PTPRD: variants seen among roughly 807,000 people sequenced by gnomAD.
PTPRD encodes receptor-type tyrosine-protein phosphatase delta.
A neutral mutation model predicts 214.5 loss-of-function variants in PTPRD; 34 were observed. The ratio of observed to expected loss-of-function variants is 0.16; its 90% CI spans 0.12 to 0.21. The LOEUF is 0.21. PTPRD is among the 10% of genes least tolerant of loss of function. The pLI is 1.00. For synonymous variants in PTPRD, 1,128 were observed against 845.7 expected (o/e 1.33, Z -5.79); for missense variants, 2,545 against 2,398.7 (o/e 1.06, Z -1.27).
chr9:8,782,844 T>C (rs2095791379), intron 11 of PTPRD, among the ~76,000 whole-genome samples: 1 of 152,082 alleles, frequency 6.6e-6, no homozygotes, highest in South Asian at 2.1e-4. Flanking sequence ...TCTGCCCTCC[T>C]TGGCCCCCCG....
chr9:10,236,960 A>T (rs1362622437), intron 3 of PTPRD, among the ~76,000 whole-genome samples: 1 of 151,942 alleles, frequency 6.6e-6, no homozygotes, highest in Non-Finnish European at 1.5e-5. Flanking sequence ...GGTGACTCAC[A>T]GATAATTTTT....
At chr9:9,933,232 A>G (rs2087529270) in intron 5 of PTPRD, among the ~76,000 whole-genome samples, 1 of 152,384 alleles carries the variant, frequency 6.6e-6, no homozygotes, top group South Asian at 2.1e-4. Context: ...TAACAATATT[A>G]ACTTTAAATG....
At chr9:8,675,042 A>T (rs1215899204) in intron 12 of PTPRD, among the ~76,000 whole-genome samples, 4 of 152,172 alleles carry the variant, frequency 2.6e-5, no homozygotes, top group Non-Finnish European at 4.4e-5. Context: ...TGTGGTCAGT[A>T]AATACATGTC....
At chr9:9,201,215 A>G (rs1276404436) in intron 9 of PTPRD, among the ~76,000 whole-genome samples, 1 of 152,204 alleles carries the variant, frequency 6.6e-6, no homozygotes, top group Non-Finnish European at 1.5e-5. Context: ...GAAGAAAACT[A>G]AAATAAATGT....
chr9:9,064,698 C>A (rs1401253600), intron 10 of PTPRD, among the ~76,000 whole-genome samples: 2 of 152,166 alleles, frequency 1.3e-5, no homozygotes, highest in African/African-American at 2.4e-5. Context: ...CAGTTGACAG[C>A]AATCTGTGGT....
chr9:8,834,731 G>A (rs999116554), intron 11 of PTPRD, among the ~76,000 whole-genome samples: 2 of 152,146 alleles, frequency 1.3e-5, no homozygotes, highest in African/African-American at 2.4e-5. Context: ...AAAACTGTTT[G>A]ACCCACAGAC....
At chr9:9,692,832 T>C (rs2097299011) in intron 7 of PTPRD, among the ~76,000 whole-genome samples, 2 of 151,918 alleles carry the variant, frequency 1.3e-5, no homozygotes. Flanking sequence ...GTTTTCACTG[T>C]AGAGATGTTT....
At chr9:10,397,611 C>G (rs759507157) in intron 2 of PTPRD, among the ~76,000 whole-genome samples, 2 of 151,936 alleles carry the variant, frequency 1.3e-5, no homozygotes, top group African/African-American at 2.4e-5. Flanking sequence ...TATTATAATA[C>G]TATATTTTTA....
rs141238225 is a variant in PTPRD at position 9,495,115 on chromosome 9, C to T, written c.-237+79617G>A. Reference sequence around the variant, plus strand: ...ACTGGGAAGACTAGATAGCCACATGCGAAACAATGAACTTAGACCCCACTT... The same window carrying T: ...ACTGGGAAGACTAGATAGCCACATGTGAAACAATGAACTTAGACCCCACTT... On this transcript the variant is annotated intron_variant, in intron 8 of 45. Transcript: ENST00000381196. Among the ~76,000 whole-genome samples the T allele has an allele frequency of 3.2e-3, 482 of 152,020 alleles. 3 individuals are homozygous for T. The highest frequency in any genetic ancestry group is 0.01 in the African/African-American group (425 of 41,472).
intron 10 of PTPRD, among the ~76,000 whole-genome samples, chr9:9,019,322 AAGAAAGAAAGAAAGAACGAAAG>A (rs1324900168): frequency 1.3e-5 from 1 of 79,726 alleles, no homozygotes; most frequent in Admixed American, 1.2e-4. Context: ...GAAAGAAAGA[AAGAAAGAAAGAAAGAACGAAAG>A]AAAGAAAGAA....
At chr9:9,599,170 C>T (rs1419504045) in intron 7 of PTPRD, among the ~76,000 whole-genome samples, 1 of 151,950 alleles carries the variant, frequency 6.6e-6, no homozygotes, top group Non-Finnish European at 1.5e-5. Flanking sequence ...TAAAAGGTGA[C>T]ATTATATGAG....
chr9:8,515,750 A>G (rs184121029), intron 21 of PTPRD, among the ~76,000 whole-genome samples: 2 of 152,306 alleles, frequency 1.3e-5, no homozygotes, highest in African/African-American at 2.4e-5. Context: ...ACAGCCTTCA[A>G]AAGGAACCAA....
rs2097006153 is a variant in PTPRD, at chr9:8,486,280, G to A, written c.2537C>T (p.Pro846Leu). ...MNTALIQWHP[P>L]VDTFGPLQGY... ...CTGAAGAGGTCCAAATGTGTCCACCGGAGGGTGCCACTGAATAAGAGCAGT... is the reference window on the plus strand; with the variant it reads ...CTGAAGAGGTCCAAATGTGTCCACCAGAGGGTGCCACTGAATAAGAGCAGT... Residue 846 changes from proline (P) to leucine (L), a missense_variant, in exon 28 of 46, where the codon CCG becomes CTG. Transcript: ENST00000381196. The A allele has an allele frequency of 3.1e-6, 5 of 1,614,044 alleles. No homozygotes were observed. The highest frequency in any genetic ancestry group is 2.2e-5 in the East Asian group (1 of 44,896).
At chr9:10,048,985 C>G (rs1306570191) in intron 3 of PTPRD, among the ~76,000 whole-genome samples, 1 of 151,922 alleles carries the variant, frequency 6.6e-6, no homozygotes, top group Non-Finnish European at 1.5e-5. Context: ...CCCTGACACT[C>G]GGGTAGTTCA....
At chr9:10,205,718 T>C (rs1012391442) in intron 3 of PTPRD, among the ~76,000 whole-genome samples, 4 of 152,178 alleles carry the variant, frequency 2.6e-5, no homozygotes, top group Non-Finnish European at 5.9e-5. Flanking sequence ...TTCATCAGCC[T>C]AAATAATAGC....
At chr9:8,821,285 CTCTG>C (rs2097057257) in intron 11 of PTPRD, among the ~76,000 whole-genome samples, 1 of 151,534 alleles carries the variant, frequency 6.6e-6, no homozygotes, top group African/African-American at 2.4e-5. Flanking sequence ...CTCTCTCTCT[CTCTG>C]TCTCTCTCTC....
intron 3 of PTPRD, among the ~76,000 whole-genome samples, chr9:10,085,294 C>T (rs574145608): frequency 4.6e-5 from 7 of 151,874 alleles, no homozygotes; most frequent in South Asian, 4.2e-4. Flanking sequence ...GCCAAGATAA[C>T]CGATTATTTT....
chr9:9,213,516 T>TTTTGTTTG (rs77772280), intron 9 of PTPRD, among the ~76,000 whole-genome samples: 123 of 151,564 alleles, frequency 8.1e-4, no homozygotes, highest in Non-Finnish European at 1.3e-3. Flanking sequence ...TTTCCTGGTT[T>TTTTGTTTG]TTTGTTTGTT....
chr9:8,866,431 G>T (rs1222223466), intron 11 of PTPRD, among the ~76,000 whole-genome samples: 1 of 151,970 alleles, frequency 6.6e-6, no homozygotes, highest in African/African-American at 2.4e-5. Flanking sequence ...TGCTCCCATT[G>T]TTTTCCTGAT....
Sources: gnomAD v4.1 joint callset for allele counts (sites outside exome capture counted in the v4.1 genomes callset) on GRCh38, gnomAD v4.1.1 for gene constraint, MANE v1.5 for transcripts, NCBI Gene and HGNC (gene_info 2026-07-23, HGNC 2026-07-21) for gene names.